The following NPLOC4 variants were observed in gnomAD, a reference collection of about 807,000 sequenced individuals.
NPLOC4 encodes the protein nuclear protein localization protein 4 homolog.
NPLOC4 carries 18 observed loss-of-function variants against 80.6 expected under a neutral mutation model. The observed-to-expected ratio is 0.22, with a 90% CI of 0.15 to 0.33. The LOEUF (loss-of-function observed/expected upper bound fraction) is 0.33, where lower values mean the gene tolerates loss of function less well. Ranked by LOEUF, NPLOC4 falls within the 10% of genes least tolerant of loss-of-function variation. NPLOC4 has a pLI of 1.00. For missense variants in NPLOC4, 540 were observed against 786.1 expected (o/e 0.69, Z 3.74); for synonymous variants, 313 against 301.5 (o/e 1.04, Z -0.39).
intron 8 of NPLOC4, among the ~76,000 whole-genome samples, chr17:81,601,549 G>A (rs1361127558): frequency 6.6e-6 from 1 of 152,128 alleles, no homozygotes; most frequent in Non-Finnish European, 1.5e-5. Flanking sequence ...GAGCCACCAC[G>A]GCTGGCCTCA....
intron 3 of NPLOC4, among the ~76,000 whole-genome samples, chr17:81,618,736 G>A (rs1433954021): frequency 6.6e-6 from 1 of 151,678 alleles, no homozygotes; most frequent in African/African-American, 2.4e-5. Context: ...GGGCCATGAT[G>A]ACAATGGCAG....
intron 12 of NPLOC4, among the ~76,000 whole-genome samples, chr17:81,579,051 C>T (rs1046684336): frequency 2.0e-5 from 3 of 152,176 alleles, no homozygotes; most frequent in Non-Finnish European, 2.9e-5. Context: ...CTACTGAGTA[C>T]CTGGGGCCAC....
At chr17:81,599,183 G>A (rs906432427) in intron 9 of NPLOC4, among the ~76,000 whole-genome samples, 1 of 151,978 alleles carries the variant, frequency 6.6e-6, no homozygotes, top group Non-Finnish European at 1.5e-5. Context: ...CAGCTACTTG[G>A]GAGGCTGAGG....
chr17:81,571,437 G>A (rs1031711410), intron 13 of NPLOC4, among the ~76,000 whole-genome samples: 4 of 152,220 alleles, frequency 2.6e-5, no homozygotes, highest in Non-Finnish European at 4.4e-5. Context: ...GGAAGAGCCA[G>A]GGGCCTTTGT....
chr17:81,616,847 C>T (rs925736575), intron 3 of NPLOC4, among the ~76,000 whole-genome samples: 5 of 152,134 alleles, frequency 3.3e-5, no homozygotes, highest in East Asian at 3.8e-4. Context: ...GAATATCAAC[C>T]TCTACATGGG....
At chr17:81,616,622 C>T (rs529374964) in intron 3 of NPLOC4, among the ~76,000 whole-genome samples, 78 of 151,432 alleles carry the variant, frequency 5.2e-4, no homozygotes, top group Non-Finnish European at 7.8e-4. Flanking sequence ...CCCAGCTACT[C>T]GGGAGGCTGA....
chr17:81,593,751 A>T (rs551927440), intron 11 of NPLOC4, among the ~76,000 whole-genome samples: 9 of 151,432 alleles, frequency 5.9e-5, no homozygotes, highest in African/African-American at 2.2e-4. Context: ...GCCAGGCAGA[A>T]TTCTAAATGA....
At chr17:81,618,099 C>T (rs892960006) in intron 3 of NPLOC4, among the ~76,000 whole-genome samples, 5 of 152,062 alleles carry the variant, frequency 3.3e-5, no homozygotes, top group African/African-American at 1.2e-4. Context: ...AAGTGAGGAG[C>T]CTCTCTGCCT....
chr17:81,627,305 T>C (rs991777626), intron 2 of NPLOC4, among the ~76,000 whole-genome samples: 46 of 144,360 alleles, frequency 3.2e-4, no homozygotes, highest in Non-Finnish European at 5.7e-4. Context: ...GGCAGGGAAA[T>C]GGCATGAACC....
At chr17:81,584,324 T>C (rs1259953983) in intron 12 of NPLOC4, among the ~76,000 whole-genome samples, 1 of 152,180 alleles carries the variant, frequency 6.6e-6, no homozygotes, top group Non-Finnish European at 1.5e-5. Flanking sequence ...AAATAAGCAC[T>C]CTATGAAAAC....
At chr17:81,585,170 CAAAAAAAAA>C (rs35473939) in intron 12 of NPLOC4, among the ~76,000 whole-genome samples, 22 of 40,884 alleles carry the variant, frequency 5.4e-4, no homozygotes, top group South Asian at 2.0e-3. Flanking sequence ...ACTCTGTCGC[CAAAAAAAAA>C]AAAAAAAAAA....
intron 3 of NPLOC4, among the ~76,000 whole-genome samples, chr17:81,616,332 A>AT (rs2035485624): frequency 6.8e-6 from 1 of 146,586 alleles, no homozygotes; most frequent in Non-Finnish European, 1.5e-5. Context: ...AAAAAAAAAA[A>AT]AAAAAAGAAA....
intron 12 of NPLOC4, among the ~76,000 whole-genome samples, chr17:81,578,362 A>G (rs1204615035): frequency 6.6e-6 from 1 of 151,998 alleles, no homozygotes; most frequent in Non-Finnish European, 1.5e-5. Context: ...CCAACAGGAC[A>G]CCTCCACAGT....
intron 10 of NPLOC4, 61 bp from the exon 11 acceptor site, chr17:81,596,303 T>A: frequency 6.4e-7 from 1 of 1,551,610 alleles, no homozygotes; most frequent in South Asian, 1.2e-5. Flanking sequence ...TACTTCTATT[T>A]CTTCTTTAAA....
chr17:81,573,102 A>C (rs575673494), intron 12 of NPLOC4, among the ~76,000 whole-genome samples: 3 of 152,354 alleles, frequency 2.0e-5, no homozygotes. Flanking sequence ...TAAATTCATA[A>C]GAACCAAAGC....
At chr17:81,596,335 C>T in intron 10 of NPLOC4, 93 bp from the exon 11 acceptor site, 1 of 1,388,560 alleles carries the variant, frequency 7.2e-7, no homozygotes, top group Non-Finnish European at 9.8e-7. Context: ...AAGCCAGGAG[C>T]AGTGACTCAC....
chr17:81,589,171 C>T, intron 11 of NPLOC4, 67 bp from the exon 12 acceptor site: 1 of 1,343,272 alleles, frequency 7.4e-7, no homozygotes. Context: ...TATCTGTTAA[C>T]TCTTCACCTC....
In NPLOC4 at chr17:81,558,988, G is replaced by A. The variant is rs1463541728; in HGVS notation, c.*271C>T. 5 of 396,808 alleles carry A rather than the reference G, an allele frequency of 1.3e-5. No homozygotes were observed. The highest frequency in any genetic ancestry group is 4.3e-5 in the Admixed American group (1 of 23,244). The allele number at this position is 396,808 out of a possible 1,614,324, so 24.6% of individuals were successfully genotyped here. On this transcript the variant is annotated 3_prime_UTR_variant, in exon 17 of 17. Transcript: ENST00000331134. ...GCGAGAGGTCTTTCCAACACGGCGG[G>A]GGACTTGTCAACAGGATTAGGCGTG... is the stretch of plus-strand genomic sequence containing the variant.
At chr17:81,593,649 C>T (rs547996750) in intron 11 of NPLOC4, among the ~76,000 whole-genome samples, 3 of 152,148 alleles carry the variant, frequency 2.0e-5, no homozygotes, top group African/African-American at 7.2e-5. Flanking sequence ...CTACTGTACC[C>T]AGATATCAGC....
Sources: allele counts gnomAD v4.1 joint callset (sites outside exome capture counted in the v4.1 genomes callset), GRCh38; gene constraint gnomAD v4.1.1; transcripts MANE v1.5; gene names NCBI Gene and HGNC (gene_info 2026-07-23, HGNC 2026-07-21).